The following ADK variants were observed in gnomAD, a reference collection of about 807,000 sequenced individuals.
The protein encoded by ADK is N6,N6-dimethyladenosine kinase.
ADK carries 24 observed loss-of-function variants against 44.7 expected under a neutral mutation model. That is an observed-to-expected ratio of 0.54 (90% CI 0.39 to 0.76). The LOEUF is 0.76. Among genes scored for constraint, ADK ranks in the 30% least tolerant of loss-of-function variants. ADK has a pLI of 0.00. For missense variants in ADK, 321 were observed against 425.1 expected (o/e 0.76, Z 2.15); for synonymous variants, 128 against 142.6 (o/e 0.90, Z 0.73).
intron 7 of ADK, among the ~76,000 whole-genome samples, chr10:74,537,323 G>T (rs558483035): frequency 1.3e-5 from 2 of 152,230 alleles, no homozygotes; most frequent in African/African-American, 4.8e-5. Flanking sequence ...TGTTAAAGTA[G>T]TTCCAAAATT....
intron 3 of ADK, among the ~76,000 whole-genome samples, chr10:74,229,243 C>T (rs886681133): frequency 1.3e-5 from 2 of 152,000 alleles, no homozygotes; most frequent in East Asian, 3.9e-4. Context: ...GGTATTAGGA[C>T]GTGCTCAGGA....
intron 1 of ADK, among the ~76,000 whole-genome samples, chr10:74,169,107 C>T (rs926524328): frequency 1.3e-5 from 2 of 151,918 alleles, no homozygotes; most frequent in African/African-American, 2.4e-5. Context: ...TGGTCCCAGC[C>T]GCTCAGGAAG....
At chr10:74,234,982 A>T (rs1299852983) in intron 3 of ADK, among the ~76,000 whole-genome samples, 2 of 152,152 alleles carry the variant, frequency 1.3e-5, no homozygotes, top group Admixed American at 6.5e-5. Flanking sequence ...TTCTTCAAAC[A>T]TTCCTATAAC....
intron 9 of ADK, among the ~76,000 whole-genome samples, chr10:74,653,404 A>G (rs902134370): frequency 6.6e-6 from 1 of 152,152 alleles, no homozygotes; most frequent in Non-Finnish European, 1.5e-5. Context: ...GTGAGCCGAG[A>G]TCATGCCATT....
intron 1 of ADK, 80 bp downstream of exon 1, chr10:74,151,423 C>G: frequency 6.9e-7 from 1 of 1,452,764 alleles, no homozygotes; most frequent in South Asian, 1.2e-5. Flanking sequence ...ACGGCCCCGA[C>G]GCTGGGTGGT....
intron 4 of ADK, among the ~76,000 whole-genome samples, chr10:74,378,504 C>G (rs1842881652): frequency 6.6e-6 from 1 of 151,986 alleles, no homozygotes; most frequent in Admixed American, 6.5e-5. Flanking sequence ...TTTTGAATAT[C>G]ACCAGAATAA....
At chr10:74,633,615 A>G (rs1853516000) in intron 9 of ADK, among the ~76,000 whole-genome samples, 1 of 152,244 alleles carries the variant, frequency 6.6e-6, no homozygotes, top group Admixed American at 6.5e-5. Context: ...ACAGAATTCC[A>G]AACTAAATAG....
At chr10:74,664,634 G>A (rs1254156174) in intron 9 of ADK, among the ~76,000 whole-genome samples, 1 of 152,154 alleles carries the variant, frequency 6.6e-6, no homozygotes, top group Non-Finnish European at 1.5e-5. Context: ...CTTGAGGTCA[G>A]GAGTTCAAGA....
At chr10:74,678,810 T>C (rs1006393746) in intron 10 of ADK, among the ~76,000 whole-genome samples, 4 of 152,214 alleles carry the variant, frequency 2.6e-5, no homozygotes, top group African/African-American at 9.7e-5. Flanking sequence ...GTGTGTTAGT[T>C]CCCTGACCTA....
At chr10:74,648,333 G>C (rs189793771) in intron 9 of ADK, among the ~76,000 whole-genome samples, 1 of 152,144 alleles carries the variant, frequency 6.6e-6, no homozygotes, top group African/African-American at 2.4e-5. Flanking sequence ...ATCTATATAA[G>C]TAAATATAAA....
At chr10:74,263,907 G>A (rs1846130061) in intron 3 of ADK, among the ~76,000 whole-genome samples, 1 of 152,134 alleles carries the variant, frequency 6.6e-6, no homozygotes, top group Admixed American at 6.5e-5. Context: ...TTTGGTTGAG[G>A]AATTACAGGT....
intron 6 of ADK, among the ~76,000 whole-genome samples, chr10:74,523,164 G>GA (rs1165797298): frequency 4.6e-5 from 7 of 151,934 alleles, no homozygotes; most frequent in African/African-American, 9.7e-5. Context: ...TTGATGTAAG[G>GA]AAAAAACAAT....
At chr10:74,408,958 G>A (rs1844065192) in intron 6 of ADK, among the ~76,000 whole-genome samples, 1 of 152,070 alleles carries the variant, frequency 6.6e-6, no homozygotes, top group Non-Finnish European at 1.5e-5. Context: ...AGTATCAGTT[G>A]TAATCTTAAA....
chr10:74,243,864 T>G (rs1845316886), intron 3 of ADK, among the ~76,000 whole-genome samples: 1 of 152,184 alleles, frequency 6.6e-6, no homozygotes, highest in South Asian at 2.1e-4. Flanking sequence ...AAAAAAAATT[T>G]TTTTTAAACA....
At chr10:74,660,759 C>T (rs1216154712) in intron 9 of ADK, among the ~76,000 whole-genome samples, 3 of 141,454 alleles carry the variant, frequency 2.1e-5, no homozygotes, top group Non-Finnish European at 3.0e-5. Flanking sequence ...AGAGGCCAGG[C>T]GCAGTGGCTC....
chr10:74,271,045 T>G (rs767399199), intron 3 of ADK, among the ~76,000 whole-genome samples: 57 of 152,258 alleles, frequency 3.7e-4, no homozygotes, highest in Non-Finnish European at 7.1e-4. Flanking sequence ...GGTAATGTAG[T>G]CTTCTATTTG....
At chr10:74,528,909 T>C (rs1445202455) in intron 7 of ADK, among the ~76,000 whole-genome samples, 1 of 152,204 alleles carries the variant, frequency 6.6e-6, no homozygotes, top group Non-Finnish European at 1.5e-5. Context: ...AACACTTGTG[T>C]ATTGCTGGTG....
intron 9 of ADK, among the ~76,000 whole-genome samples, chr10:74,657,392 G>C (rs558671842): frequency 1.3e-5 from 2 of 152,284 alleles, no homozygotes; most frequent in East Asian, 3.9e-4. Context: ...TGTTGAAATA[G>C]CACCTCTAAA....
chr10:74,376,754 A>G (rs1842831383), intron 4 of ADK, among the ~76,000 whole-genome samples: 1 of 145,856 alleles, frequency 6.9e-6, no homozygotes, highest in Non-Finnish European at 1.5e-5. Flanking sequence ...GTCTTTTATT[A>G]TTACTGCTTT....
Sources: allele counts gnomAD v4.1 joint callset (sites outside exome capture counted in the v4.1 genomes callset), GRCh38; gene constraint gnomAD v4.1.1; transcripts MANE v1.5; gene names NCBI Gene and HGNC (gene_info 2026-07-23, HGNC 2026-07-21).